Variants in THAP3 observed in about 807,000 individuals in gnomAD.
The protein encoded by THAP3 is THAP domain containing 3.
A neutral mutation model predicts 17.7 loss-of-function variants in THAP3; 12 were observed. That is an observed-to-expected ratio of 0.68 (90% CI 0.43 to 1.10). THAP3 has a LOEUF of 1.10. THAP3 is among the 50% of genes least tolerant of loss of function. The pLI is 0.00. For synonymous variants in THAP3, 133 were observed against 126.9 expected, an observed-to-expected ratio of 1.05 and a Z score of -0.32; for missense variants, 289 against 318.0, an observed-to-expected ratio of 0.91 and a Z score of 0.69.
rs778613470 is a variant in THAP3 at position 6,628,676 on chromosome 1, T to G, written c.252T>G (p.Phe84Leu). Reference sequence around the variant, plus strand: ...ATGCCGTGCCCACGGTGTTCGCCTTTCAGGACCCCACACAGGTAGGAGGGC... The same window carrying G: ...ATGCCGTGCCCACGGTGTTCGCCTTGCAGGACCCCACACAGGTAGGAGGGC... ...KHNAVPTVFA[F>L]QDPTQQVREN... The change falls in exon 3 of 6, where the codon TTT becomes TTG. Residue 84 changes from phenylalanine (F) to leucine (L), a missense_variant. By Grantham distance (22) the Phe-to-Leu change is conservative. Coordinates refer to ENST00000054650, the MANE Select transcript of THAP3 (RefSeq NM_001195753.2). 6.2e-7 allele frequency: 1 copy of G among 1,613,114 alleles called. No individual in the cohort carries two copies. Among genetic ancestry groups the G allele is most frequent in the African/African-American group, 1.3e-5 (1 of 75,032 alleles).
At chr1:6,635,375 G>C (rs975356259), downstream of THAP3, 4 of 337,384 alleles carry the variant, frequency 1.2e-5, no homozygotes, top group Non-Finnish European at 2.2e-5. Flanking sequence ...CGGTCAGCAC[G>C]TGTGCTCGGG....
chr1:6,626,653 C>T (rs1446401544), intron 2 of THAP3, among the ~76,000 whole-genome samples: 1 of 152,226 alleles, frequency 6.6e-6, no homozygotes, highest in African/African-American at 2.4e-5. Context: ...GCCTGACCAA[C>T]ATGGTGAAAC....
intron 4 of THAP3, among the ~76,000 whole-genome samples, chr1:6,630,636 A>G (rs1282515221): frequency 6.6e-6 from 1 of 152,038 alleles, no homozygotes; most frequent in Non-Finnish European, 1.5e-5. Flanking sequence ...GTGCAGTGGC[A>G]TGATCTCGGC....
intron 2 of THAP3, among the ~76,000 whole-genome samples, chr1:6,626,238 T>G (rs981281928): frequency 6.6e-6 from 1 of 152,022 alleles, no homozygotes; most frequent in Non-Finnish European, 1.5e-5. Flanking sequence ...TGAACCCAGC[T>G]TCGAGGCTGC....
intron 2 of THAP3, chr1:6,627,632 T>TG (rs1557453291): frequency 6.6e-6 from 1 of 152,410 alleles, no homozygotes; most frequent in Non-Finnish European, 1.5e-5. Context: ...CCCAAAGTGC[T>TG]GGGATTACAG....
intron 3 of THAP3, among the ~76,000 whole-genome samples, chr1:6,629,904 G>T (rs1641562367): frequency 6.6e-6 from 1 of 152,212 alleles, no homozygotes; most frequent in South Asian, 2.1e-4. Flanking sequence ...TGCTTTGTGG[G>T]CCCCACCCCA....
At chr1:6,629,904 GC>G (rs1331428673) in intron 3 of THAP3, among the ~76,000 whole-genome samples, 1 of 152,212 alleles carries the variant, frequency 6.6e-6, no homozygotes, top group African/African-American at 2.4e-5. Context: ...TGCTTTGTGG[GC>G]CCCACCCCAG....
At position 6,633,328 on chromosome 1, in the gene THAP3, A is replaced by T. The variant is rs1641681163; in HGVS notation, c.*251A>T. 6 of 1,382,046 alleles carry T rather than the reference A, an allele frequency of 4.3e-6. No homozygotes were observed. The highest frequency in any genetic ancestry group is 5.6e-6 in the Non-Finnish European group (6 of 1,067,474). The allele number at this position is 1,382,046 out of a possible 1,614,324, so 85.6% of individuals were successfully genotyped here. On this transcript the variant is annotated 3_prime_UTR_variant, in exon 6 of 6. Transcript: ENST00000054650. Reference sequence around the variant, plus strand: ...AAGCTTATCCTCCCATGGTAACAGAAGTCCAGGCTGAGGCTGATTCTGGAC... The same window carrying T: ...AAGCTTATCCTCCCATGGTAACAGATGTCCAGGCTGAGGCTGATTCTGGAC...
chr1:6,634,190 T>C, downstream of THAP3: 1 of 1,129,130 alleles, frequency 8.9e-7, no homozygotes, highest in Non-Finnish European at 1.3e-6. Context: ...AAAGGTTTAT[T>C]GTGGTGAGTG....
At chr1:6,625,329 AC>A in intron 2 of THAP3, 37 bp downstream of exon 2, 1 of 1,499,298 alleles carries the variant, frequency 6.7e-7, no homozygotes. Flanking sequence ...GGAGGCCCAG[AC>A]CCGGGGCCCG....
intron 2 of THAP3, among the ~76,000 whole-genome samples, chr1:6,626,828 A>G (rs1641481076): frequency 6.6e-6 from 1 of 152,276 alleles, no homozygotes; most frequent in Non-Finnish European, 1.5e-5. Flanking sequence ...CTTGGGCAAC[A>G]GAGCGAGACT....
intron 3 of THAP3, 72 bp downstream of exon 3, chr1:6,628,763 G>A: frequency 2.0e-6 from 3 of 1,477,296 alleles, no homozygotes; most frequent in Non-Finnish European, 2.7e-6. Flanking sequence ...GGGGCAGTGG[G>A]GGTGGCGGCA....
At chr1:6,634,281 G>A (rs527251312), downstream of THAP3, 22 of 876,454 alleles carry the variant, frequency 2.5e-5, no homozygotes, top group South Asian at 1.8e-4. Context: ...CGGGAAGCCC[G>A]GGGCCCAGGC....
chr1:6,634,295 T>A (rs917046261), downstream of THAP3: 4 of 905,252 alleles, frequency 4.4e-6, no homozygotes, highest in Non-Finnish European at 4.9e-6. Flanking sequence ...CCCAGGCTCA[T>A]GCAACACGAC....
chr1:6,625,887 C>T (rs557121995), intron 2 of THAP3, among the ~76,000 whole-genome samples: 2 of 152,330 alleles, frequency 1.3e-5, no homozygotes, highest in South Asian at 2.1e-4. Context: ...TTCCCATTCC[C>T]TCTGCTCCCA....
At chr1:6,633,987 G>C, downstream of THAP3, 1 of 1,600,528 alleles carries the variant, frequency 6.2e-7, no homozygotes, top group East Asian at 2.2e-5. Flanking sequence ...GTTCTAGCCT[G>C]ATTTCCTAAC....
rs1425709062 is a variant in THAP3 at position 6,625,144 on chromosome 1, C to T, written c.-69-6C>T. Reference sequence around the variant, plus strand: ...CACCTCCCAGCGGCCCCGCCCCTCCCCGCAGGTCCCTCCCCTCTCCGCAGG... The same window carrying T: ...CACCTCCCAGCGGCCCCGCCCCTCCTCGCAGGTCCCTCCCCTCTCCGCAGG... On this transcript the variant is annotated splice_region_variant and splice_polypyrimidine_tract_variant and intron_variant, in intron 1 of 5. Transcript: ENST00000054650. The T allele has an allele frequency of 4.1e-6, 6 of 1,470,598 alleles. No individual in the cohort carries two copies. The highest frequency in any genetic ancestry group is 5.5e-6 in the Non-Finnish European group (6 of 1,098,236). The allele number at this position is 1,470,598 out of a possible 1,614,324, so 91.1% of individuals were successfully genotyped here.
chr1:6,634,599 GA>G, downstream of THAP3: 1 of 1,366,182 alleles, frequency 7.3e-7, no homozygotes, highest in Non-Finnish European at 9.8e-7. Context: ...TCCAGGCCCC[GA>G]GAGACAGGCC....
At chr1:6,632,285 G>A in intron 4 of THAP3, 106 bp from the exon 5 acceptor site, 4 of 1,497,648 alleles carry the variant, frequency 2.7e-6, no homozygotes, top group Non-Finnish European at 3.6e-6. Flanking sequence ...ACAGACCCTG[G>A]AGCTGGTCCC....
Sources: gnomAD v4.1 joint callset for allele counts (sites outside exome capture counted in the v4.1 genomes callset) on GRCh38, gnomAD v4.1.1 for gene constraint, MANE v1.5 for transcripts, NCBI Gene and HGNC (gene_info 2026-07-23, HGNC 2026-07-21) for gene names.